C16orf89: variants seen among roughly 807,000 people sequenced by gnomAD.
C16orf89 encodes UPF0764 protein C16orf89.
Under a neutral mutation model 41.5 loss-of-function variants are expected in C16orf89, and 57 were observed. The observed-to-expected ratio is 1.38, with a 90% CI of 1.11 to 1.71. The LOEUF (loss-of-function observed/expected upper bound fraction) is 1.71, where lower values mean the gene tolerates loss of function less well. Among genes scored for constraint, C16orf89 ranks in the 40% most tolerant of loss-of-function variants. The probability of loss-of-function intolerance (pLI) is 0.00; values close to 1 mark genes in which losing one functional copy is unlikely to be tolerated. For missense variants in C16orf89, 575 were observed against 445.9 expected (o/e 1.29, Z -2.61); for synonymous variants, 223 against 190.6 (o/e 1.17, Z -1.40).
intron 7 of C16orf89, 124 bp from the exon 8 acceptor site, chr16:5,044,602 G>T: frequency 1.3e-6 from 2 of 1,514,256 alleles, no homozygotes; most frequent in Non-Finnish European, 1.8e-6. Flanking sequence ...CACACTTTGG[G>T]AGCCTGAGGT....
At chr16:5,058,671 C>CT in intron 3 of C16orf89, 61 bp from the exon 4 acceptor site, 1 of 1,379,448 alleles carries the variant, frequency 7.2e-7, no homozygotes, top group Non-Finnish European at 1.0e-6. Context: ...TGCGTCTTCC[C>CT]AGCCCCCTAG....
Position 5,062,590 on chromosome 16 carries a change from G to A in C16orf89, c.209-16C>T. On this transcript the variant is annotated splice_polypyrimidine_tract_variant and intron_variant, in intron 1 of 7. Coordinates refer to ENST00000472572, the MANE Select transcript of C16orf89 (RefSeq NM_001098514.3). Reference sequence around the variant, plus strand: ...TTTAGCTGCTCTGGAAGGGAACAGAGTTAATTCATTCAACTATTTGGAATC... The same window carrying A: ...TTTAGCTGCTCTGGAAGGGAACAGAATTAATTCATTCAACTATTTGGAATC... The A allele has an allele frequency of 6.4e-7, 1 of 1,566,350 alleles. No individual in the cohort carries two copies. Among genetic ancestry groups the A allele is most frequent in the Non-Finnish European group, 8.6e-7 (1 of 1,157,094 alleles).
At chr16:5,057,325 G>C (rs933417825) in intron 4 of C16orf89, among the ~76,000 whole-genome samples, 2 of 145,366 alleles carry the variant, frequency 1.4e-5, no homozygotes, top group African/African-American at 5.1e-5. Flanking sequence ...TATATACATA[G>C]TGGTGTATAT....
chr16:5,062,467 A>G lies in C16orf89; in HGVS notation c.316T>C (p.Ser106Pro). 3 of 1,613,932 alleles carry G rather than the reference A, an allele frequency of 1.9e-6. No individual in the cohort carries two copies. Among genetic ancestry groups the G allele is most frequent in the Non-Finnish European group, 1.7e-6 (2 of 1,179,952 alleles). The change falls in exon 2 of 8, where the codon TCC (serine) becomes CCC (proline). Residue 106 changes from serine (S) to proline (P), a missense_variant. By Grantham distance (74) the Ser-to-Pro change is moderately conservative (BLOSUM62 -1). Coordinates refer to ENST00000472572, the MANE Select transcript of C16orf89 (RefSeq NM_001098514.3). ...TCACTCAGCTTGAGGTAGTGGAGGG[A>G]TCTCTGGATGGCAGCCTCCAGCTTC... is the stretch of plus-strand genomic sequence containing the variant. Reference protein sequence around the residue: ...GEKLEAAIQRSLHYLKLSDPK... With the variant: ...GEKLEAAIQRPLHYLKLSDPK...
At chr16:5,060,865 G>C (rs1258631038) in intron 2 of C16orf89, among the ~76,000 whole-genome samples, 2 of 151,250 alleles carry the variant, frequency 1.3e-5, no homozygotes, top group East Asian at 3.9e-4. Flanking sequence ...CAGGTGTGGT[G>C]GTGTGCACCT....
chr16:5,051,459 A>G (rs1033251163), intron 6 of C16orf89, among the ~76,000 whole-genome samples: 3 of 152,208 alleles, frequency 2.0e-5, no homozygotes, highest in African/African-American at 7.2e-5. Flanking sequence ...TATAAGAGCT[A>G]AAACCAAAAT....
At chr16:5,060,798 A>C (rs545477736) in intron 2 of C16orf89, among the ~76,000 whole-genome samples, 1 of 152,016 alleles carries the variant, frequency 6.6e-6, no homozygotes, top group Non-Finnish European at 1.5e-5. Context: ...CCCAACGTTC[A>C]AGACCAGCCT....
At chr16:5,057,400 T>C (rs994702079) in intron 4 of C16orf89, among the ~76,000 whole-genome samples, 2 of 147,818 alleles carry the variant, frequency 1.4e-5, no homozygotes, top group Non-Finnish European at 3.0e-5. Flanking sequence ...TATATAGTGG[T>C]ATATATATAG....
rs145505668 is a variant in C16orf89, at chr16:5,060,056, C to T, written c.509+230G>A. On this transcript the variant is annotated intron_variant, in intron 3 of 7. Transcript: ENST00000472572. ...GGGGCCTGGAGGTGGTGTGTTCAGCCATGGCTGCTGGAAGGCCTGCTGTGG... is the reference window on the plus strand; with the variant it reads ...GGGGCCTGGAGGTGGTGTGTTCAGCTATGGCTGCTGGAAGGCCTGCTGTGG... Among the ~76,000 whole-genome samples, 463 of 152,030 alleles carry T rather than the reference C, an allele frequency of 3.0e-3. 1 individual carries two copies. The highest frequency in any genetic ancestry group is 0.01 in the African/African-American group (433 of 41,506).
intron 5 of C16orf89, 146 bp downstream of exon 5, chr16:5,055,907 C>T (rs984091142): frequency 1.6e-6 from 2 of 1,259,144 alleles, no homozygotes; most frequent in Non-Finnish European, 2.2e-6. Flanking sequence ...ACTGAGCACT[C>T]TGTATTTTTA....
intron 1 of C16orf89, among the ~76,000 whole-genome samples, chr16:5,065,249 T>C (rs1956713914): frequency 6.6e-6 from 1 of 152,196 alleles, no homozygotes; most frequent in Non-Finnish European, 1.5e-5. Flanking sequence ...TTGACTGTTT[T>C]TGCAGAACCT....
At chr16:5,049,053 G>A (rs1956353103) in intron 6 of C16orf89, among the ~76,000 whole-genome samples, 2 of 152,128 alleles carry the variant, frequency 1.3e-5, no homozygotes, top group African/African-American at 4.8e-5. Flanking sequence ...GAAACCAGAA[G>A]GAAGAAGGAG....
At position 5,058,504 on chromosome 16, in the gene C16orf89, A is replaced by C; in HGVS notation, c.616T>G (p.Trp206Gly). 1 of 1,607,502 alleles carries C rather than the reference A, an allele frequency of 6.2e-7. No individual in the cohort carries two copies. The highest frequency in any genetic ancestry group is 8.5e-7 in the Non-Finnish European group (1 of 1,175,778). Residue 206 changes from tryptophan to glycine, a missense_variant, in exon 4 of 8, where the codon TGG becomes GGG. Coordinates refer to ENST00000472572, the MANE Select transcript of C16orf89 (RefSeq NM_001098514.3). ...CLSHQLLFFL[W>G]ARMRGCTQGP... ...CCCTGGGCACTCACCATTCTGGCCC[A>C]GAGGAAGAAGAGCAGTTGGTGGGAC... is the stretch of plus-strand genomic sequence containing the variant.
rs755201654 is a variant in C16orf89, at chr16:5,044,749, C to T, written c.956-271G>A. 6 of 1,050,626 alleles carry T rather than the reference C, an allele frequency of 5.7e-6. No individual in the cohort carries two copies. The African/African-American group carries it at 6.6e-5, about 12-fold the overall frequency. The allele number at this position is 1,050,626 out of a possible 1,614,324, so 65.1% of individuals were successfully genotyped here. ...GTCCCAGCTACTCGGGAGGATGAGG[C>T]AAGAGAATTGCTTGAACCCAGGAGG... On this transcript the variant is annotated intron_variant, in intron 7 of 7. Transcript: ENST00000472572.
intron 6 of C16orf89, among the ~76,000 whole-genome samples, chr16:5,052,727 CA>C (rs796489042): frequency 1.0e-3 from 152 of 152,184 alleles, no homozygotes; most frequent in African/African-American, 3.4e-3. Context: ...GGAGATTTGT[CA>C]AAAAGCTAAA....
intron 6 of C16orf89, among the ~76,000 whole-genome samples, chr16:5,051,913 A>C (rs547503479): frequency 1.3e-5 from 2 of 152,222 alleles, no homozygotes; most frequent in Non-Finnish European, 2.9e-5. Context: ...CAGCTTGGCC[A>C]ACATGTAGAA....
At chr16:5,063,582 G>A (rs981423598) in intron 1 of C16orf89, among the ~76,000 whole-genome samples, 27 of 152,144 alleles carry the variant, frequency 1.8e-4, no homozygotes, top group African/African-American at 6.0e-4. Context: ...TGTCACTACC[G>A]CCTGAGCTCC....
chr16:5,060,699 G>A (rs1956599379), intron 2 of C16orf89, among the ~76,000 whole-genome samples: 1 of 152,124 alleles, frequency 6.6e-6, no homozygotes, highest in Non-Finnish European at 1.5e-5. Flanking sequence ...GGAAACCCCA[G>A]ATAAATAAAA....
chr16:5,058,996 T>C (rs2142655965), intron 3 of C16orf89, among the ~76,000 whole-genome samples: 1 of 152,114 alleles, frequency 6.6e-6, no homozygotes, highest in East Asian at 2.0e-4. Flanking sequence ...TTCTAGCACT[T>C]TGGGAGGCTG....
Sources: allele counts gnomAD v4.1 joint callset (sites outside exome capture counted in the v4.1 genomes callset), GRCh38; gene constraint gnomAD v4.1.1; transcripts MANE v1.5; gene names NCBI Gene and HGNC (gene_info 2026-07-23, HGNC 2026-07-21).